TMEM131L: variants seen among roughly 807,000 people sequenced by gnomAD.
The protein encoded by TMEM131L is transmembrane 131 like.
In TMEM131L, 54 loss-of-function variants were observed where a neutral mutation model predicts 192.2. That is an observed-to-expected ratio of 0.28 (90% CI 0.23 to 0.35). The LOEUF (loss-of-function observed/expected upper bound fraction) is 0.35. Ranked by LOEUF, TMEM131L falls within the 10% of genes least tolerant of loss-of-function variation. TMEM131L has a pLI of 1.00. For synonymous variants in TMEM131L, 701 were observed against 704.9 expected (o/e 0.99, Z 0.09); for missense variants, 1,888 against 1,972.9 (o/e 0.96, Z 0.82).
intron 3 of TMEM131L, among the ~76,000 whole-genome samples, chr4:153,506,862 GAAGA>G (rs1734027491): frequency 7.1e-6 from 1 of 140,718 alleles, no homozygotes. Context: ...AAAAAAAAAA[GAAGA>G]AAGAAAAAAA....
intron 20 of TMEM131L, among the ~76,000 whole-genome samples, 172 bp from the exon 21 acceptor site, chr4:153,598,418 C>A (rs1226519673): frequency 1.3e-5 from 2 of 152,030 alleles, no homozygotes; most frequent in Admixed American, 6.6e-5. Context: ...TGTGGCTGCA[C>A]CCTTATTCTG....
intron 3 of TMEM131L, among the ~76,000 whole-genome samples, chr4:153,505,534 A>T (rs534169275): frequency 8.1e-4 from 123 of 152,282 alleles, no homozygotes; most frequent in South Asian, 1.9e-3. Flanking sequence ...GATAAATGGG[A>T]TGAGGACTTG....
At chr4:153,481,663 G>T (rs918751437) in intron 3 of TMEM131L, among the ~76,000 whole-genome samples, 1 of 152,156 alleles carries the variant, frequency 6.6e-6, no homozygotes, top group African/African-American at 2.4e-5. Context: ...AGCCTCTTGA[G>T]TAGCTGGGAC....
At chr4:153,600,764 A>AT (rs1471196633) in intron 21 of TMEM131L, among the ~76,000 whole-genome samples, 2 of 152,190 alleles carry the variant, frequency 1.3e-5, no homozygotes, top group Non-Finnish European at 2.9e-5. Context: ...GGCTGAGCAG[A>AT]TTTTTGTTTG....
At chr4:153,621,579 C>A in intron 27 of TMEM131L, 104 bp from the exon 28 acceptor site, 2 of 1,176,980 alleles carry the variant, frequency 1.7e-6, no homozygotes, top group Non-Finnish European at 2.4e-6. Flanking sequence ...TCCTATTGTC[C>A]CAGATTCATA....
rs569373174 is a variant in TMEM131L, at chr4:153,634,912, AT to A, written c.4418-516del. ...GAAGGGATGTATCATTCTTATCTAG[AT>A]TTTGATACATGCATTGCTCCATGCT... On this transcript the variant is annotated intron_variant, in intron 33 of 34. Coordinates refer to ENST00000409959, the MANE Select transcript of TMEM131L (RefSeq NM_001131007.2). Among the ~76,000 whole-genome samples, 127 of 152,258 alleles carry A rather than the reference AT, an allele frequency of 8.3e-4. 1 individual carries two copies. The highest frequency in any genetic ancestry group is 2.2e-3 in the Admixed American group (34 of 15,296).
chr4:153,580,898 T>C lies in TMEM131L; in HGVS notation c.733T>C (p.Leu245=). The C allele has an allele frequency of 6.3e-7, 1 of 1,597,660 alleles. No homozygotes were observed. The highest frequency in any genetic ancestry group is 2.2e-5 in the East Asian group (1 of 44,782). ...CSLHNKVCQQ[L]KGCYLESDDV... ...TTTACATAATAAAGTGTGTCAGCAA[T>C]TAAAGGTAAAATAAAATGTGTAGTG... The change falls in exon 8 of 35, where the codon TTA becomes CTA. Residue 245 remains leucine, a synonymous_variant. Transcript: ENST00000409959.
At chr4:153,541,777 G>C (rs920242670) in intron 3 of TMEM131L, among the ~76,000 whole-genome samples, 8 of 152,242 alleles carry the variant, frequency 5.3e-5, no homozygotes, top group Admixed American at 5.2e-4. Flanking sequence ...CCGGCAAAAA[G>C]AGGGATTAGC....
Position 153,555,321 on chromosome 4 carries a change from A to T in TMEM131L, c.309-466A>T, listed in dbSNP as rs1310211096. Among the ~76,000 whole-genome samples the T allele has an allele frequency of 6.6e-6, 1 of 152,350 alleles. No homozygotes were observed. The highest frequency in any genetic ancestry group is 2.1e-4 in the South Asian group (1 of 4,830). On this transcript the variant is annotated intron_variant, in intron 4 of 34. Coordinates refer to ENST00000409959, the MANE Select transcript of TMEM131L (RefSeq NM_001131007.2). This position sits in a 1 kb window ranked among gnomAD's most constrained non-coding sequence, Gnocchi z 4.1. ...AGAAAAATTGGGTTTTTCTGTGAGTACAGTTTCTTACCTAAACATATTTTC... is the reference window on the plus strand; with the variant it reads ...AGAAAAATTGGGTTTTTCTGTGAGTTCAGTTTCTTACCTAAACATATTTTC...
At chr4:153,472,766 C>T (rs1045492925) in intron 2 of TMEM131L, among the ~76,000 whole-genome samples, 2 of 152,188 alleles carry the variant, frequency 1.3e-5, no homozygotes, top group Non-Finnish European at 2.9e-5. Context: ...TGAGAGAGAA[C>T]AGCCAGTGCA....
intron 3 of TMEM131L, among the ~76,000 whole-genome samples, chr4:153,518,625 C>A (rs372623882): frequency 9.2e-5 from 14 of 152,114 alleles, no homozygotes; most frequent in African/African-American, 3.4e-4. Flanking sequence ...ATCATAGAAG[C>A]GATGGGAACA....
chr4:153,613,347 A>C (rs1732764256), intron 26 of TMEM131L, among the ~76,000 whole-genome samples: 1 of 152,232 alleles, frequency 6.6e-6, no homozygotes, highest in Admixed American at 6.5e-5. Context: ...AATTTTAACC[A>C]AGTAAAAATA....
In TMEM131L at chr4:153,537,721, A is replaced by T. The variant is rs555467450; in HGVS notation, c.240-12352A>T. On this transcript the variant is annotated intron_variant, in intron 3 of 34. Transcript: ENST00000409959. ...GACCTGTATCTTGTGCTGACCTCTT[A>T]TCTCATCCAAGACTTAGAATGCCTT... Among the ~76,000 whole-genome samples, 21 of 152,214 alleles carry T rather than the reference A, an allele frequency of 1.4e-4. No individual in the cohort carries two copies. The East Asian group carries it at 3.3e-3, about 24-fold the overall frequency.
chr4:153,602,853 A>T, intron 23 of TMEM131L, 126 bp downstream of exon 23: 1 of 821,920 alleles, frequency 1.2e-6, no homozygotes. Context: ...TTACTGCTTC[A>T]AGAACTGTGA....
At chr4:153,508,000 G>A (rs970910127) in intron 3 of TMEM131L, among the ~76,000 whole-genome samples, 1 of 152,144 alleles carries the variant, frequency 6.6e-6, no homozygotes, top group Non-Finnish European at 1.5e-5. Context: ...AAAGACTGGA[G>A]GCAAGGAGAC....
intron 29 of TMEM131L, among the ~76,000 whole-genome samples, chr4:153,625,375 C>T (rs1386318625): frequency 1.3e-5 from 2 of 151,378 alleles, no homozygotes; most frequent in Non-Finnish European, 2.9e-5. Context: ...GGTGACAAAG[C>T]GAGACTCTGT....
At chr4:153,482,483 C>T (rs1732016595) in intron 3 of TMEM131L, among the ~76,000 whole-genome samples, 1 of 151,860 alleles carries the variant, frequency 6.6e-6, no homozygotes, top group African/African-American at 2.4e-5. Flanking sequence ...CTTTTGACAC[C>T]TATTTATATA....
intron 10 of TMEM131L, 116 bp downstream of exon 10, chr4:153,583,364 T>C (rs2150755551): frequency 1.3e-6 from 1 of 743,174 alleles, no homozygotes; most frequent in Middle Eastern, 2.7e-4. Flanking sequence ...TCTTTTTTGC[T>C]TTAATTTAAG....
At chr4:153,477,226 G>T (rs1731604207) in intron 3 of TMEM131L, among the ~76,000 whole-genome samples, 1 of 152,140 alleles carries the variant, frequency 6.6e-6, no homozygotes, top group Non-Finnish European at 1.5e-5. Context: ...GGATTTAGTG[G>T]GAGGGAATCA....
Sources: allele counts gnomAD v4.1 joint callset (sites outside exome capture counted in the v4.1 genomes callset), GRCh38; gene constraint gnomAD v4.1.1; non-coding constraint Gnocchi (gnomAD v3.1); transcripts MANE v1.5; gene names NCBI Gene and HGNC (gene_info 2026-07-23, HGNC 2026-07-21).